NAALADL2: variants seen among roughly 807,000 people sequenced by gnomAD.
NAALADL2 encodes N-acetylated alpha-linked acidic dipeptidase like 2.
In NAALADL2, 76 loss-of-function variants were observed where a neutral mutation model predicts 87.2. That is an observed-to-expected ratio of 0.87 (90% CI 0.72 to 1.05). NAALADL2 has a LOEUF of 1.05. NAALADL2 is among the 50% of genes least tolerant of loss of function. The probability of loss-of-function intolerance (pLI) is 0.00; values close to 1 mark genes in which losing one functional copy is unlikely to be tolerated. For missense variants in NAALADL2, 1,089 were observed against 945.8 expected (o/e 1.15, Z -1.99); for synonymous variants, 354 against 331.0 (o/e 1.07, Z -0.75).
chr3:174,690,635 TTTTATGAAATGCGAGTGA>T (rs1728489523), intron 2 of NAALADL2, among the ~76,000 whole-genome samples: 1 of 152,158 alleles, frequency 6.6e-6, no homozygotes, highest in African/African-American at 2.4e-5. Context: ...GAAATGGCAT[TTTTATGAAATGCGAGTGA>T]CAAAGAATTG....
chr3:174,940,145 C>T (rs1459842823), intron 1 of NAALADL2, among the ~76,000 whole-genome samples: 1 of 152,036 alleles, frequency 6.6e-6, no homozygotes, highest in Admixed American at 6.6e-5. Context: ...ATTGGCTGTG[C>T]ATTTGTCATA....
At chr3:175,412,927 A>ATTATTATTT (rs1216480862) in intron 5 of NAALADL2, among the ~76,000 whole-genome samples, 5 of 145,632 alleles carry the variant, frequency 3.4e-5, no homozygotes, top group African/African-American at 1.2e-4. Flanking sequence ...TATTATTATT[A>ATTATTATTT]TTTTTGAGAC....
At chr3:174,442,526 C>T (rs1323506566) in intron 1 of NAALADL2, among the ~76,000 whole-genome samples, 3 of 152,010 alleles carry the variant, frequency 2.0e-5, no homozygotes, top group Non-Finnish European at 4.4e-5. Context: ...TAATGTAGGA[C>T]GACTAACAAG....
chr3:175,574,595 G>A (rs1160556118), intron 9 of NAALADL2, among the ~76,000 whole-genome samples: 1 of 152,072 alleles, frequency 6.6e-6, no homozygotes, highest in Non-Finnish European at 1.5e-5. Flanking sequence ...CTGGCTCAGG[G>A]TGTAAAGCAA....
chr3:174,966,954 G>C (rs548843228), intron 1 of NAALADL2, among the ~76,000 whole-genome samples: 5 of 152,088 alleles, frequency 3.3e-5, no homozygotes, highest in African/African-American at 4.8e-5. Flanking sequence ...AAAATAATAA[G>C]TGTTATCACA....
chr3:174,937,371 C>T (rs548669104), intron 1 of NAALADL2, among the ~76,000 whole-genome samples: 20 of 152,082 alleles, frequency 1.3e-4, no homozygotes, highest in African/African-American at 4.8e-4. Flanking sequence ...TGATTTAGGG[C>T]TTTTCAGTAG....
chr3:175,057,945 T>C (rs951314552), intron 1 of NAALADL2, among the ~76,000 whole-genome samples: 2 of 152,330 alleles, frequency 1.3e-5, no homozygotes, highest in East Asian at 3.9e-4. Context: ...ATAGAGTTTG[T>C]AGAGTTCATT....
At chr3:174,897,986 G>T (rs981761000) in intron 1 of NAALADL2, among the ~76,000 whole-genome samples, 3 of 141,290 alleles carry the variant, frequency 2.1e-5, no homozygotes, top group Non-Finnish European at 4.5e-5. Context: ...AGTGGCGGGC[G>T]CCTGTAGTCC....
chr3:174,610,172 A>G (rs1719662826), intron 2 of NAALADL2, among the ~76,000 whole-genome samples: 1 of 130,782 alleles, frequency 7.6e-6, no homozygotes, highest in Admixed American at 7.4e-5. Context: ...TTCAAGATGG[A>G]TTAAAGACTT....
At chr3:175,181,697 A>ATGTGTGTGTG (rs1227841338) in intron 2 of NAALADL2, among the ~76,000 whole-genome samples, 3 of 107,666 alleles carry the variant, frequency 2.8e-5, no homozygotes, top group Non-Finnish European at 3.7e-5. Flanking sequence ...ATATATATAT[A>ATGTGTGTGTG]TATATATGTG....
intron 2 of NAALADL2, among the ~76,000 whole-genome samples, chr3:174,643,947 T>A (rs1424225472): frequency 6.6e-6 from 1 of 152,182 alleles, no homozygotes; most frequent in East Asian, 1.9e-4. Context: ...TTACGGATAG[T>A]GGAGACTTCT....
intron 1 of NAALADL2, among the ~76,000 whole-genome samples, chr3:174,895,097 A>T (rs575221557): frequency 4.6e-5 from 7 of 152,262 alleles, no homozygotes; most frequent in Non-Finnish European, 8.8e-5. Flanking sequence ...TTAAATAAAC[A>T]ATGTATTGGT....
At position 174,979,304 on chromosome 3, in the gene NAALADL2, C is replaced by CTTTTT. The variant is rs5854604; in HGVS notation, c.44-117471_44-117467dup. ...TAGTATAATTTTCTTTCTTTCTTTTCTTTTTTTTTTTTTTTTTTTGAGACG... is the reference window on the plus strand; with the variant it reads ...TAGTATAATTTTCTTTCTTTCTTTTCTTTTTTTTTTTTTTTTTTTTTTTTGAGACG... On this transcript the variant is annotated intron_variant, in intron 1 of 13. Transcript: ENST00000454872. 6.0e-3 allele frequency among the ~76,000 whole-genome samples: 628 copies of CTTTTT among 105,084 alleles called. 9 individuals are homozygous for CTTTTT. The highest frequency in any genetic ancestry group is 7.8e-3 in the African/African-American group (196 of 25,116). 68.9% of individuals were successfully genotyped at this position (105,084 alleles called of 152,430 possible). A position where few individuals can be genotyped will look rare whatever the true frequency, so the allele number is the denominator to read the frequency against.
intron 1 of NAALADL2, among the ~76,000 whole-genome samples, chr3:175,012,621 T>C (rs1252980789): frequency 1.3e-5 from 2 of 152,130 alleles, no homozygotes; most frequent in East Asian, 3.9e-4. Flanking sequence ...ATTACAGCCC[T>C]CAGGCCAAAT....
At chr3:175,154,844 C>T (rs1732063083) in intron 2 of NAALADL2, among the ~76,000 whole-genome samples, 1 of 152,158 alleles carries the variant, frequency 6.6e-6, no homozygotes, top group African/African-American at 2.4e-5. Context: ...ATGAAAGCCA[C>T]TGTTTGAAAG....
intron 3 of NAALADL2, among the ~76,000 whole-genome samples, chr3:174,780,768 G>A (rs1578898812): frequency 6.6e-6 from 1 of 151,948 alleles, no homozygotes; most frequent in African/African-American, 2.4e-5. Context: ...GGGGCATTTA[G>A]CCAATTTACA....
intron 4 of NAALADL2, among the ~76,000 whole-genome samples, chr3:175,299,289 TTTTTTGTTTTTG>T (rs973870510): frequency 6.6e-6 from 1 of 152,110 alleles, no homozygotes; most frequent in Non-Finnish European, 1.5e-5. Context: ...TAAAGTAGTT[TTTTTTGTTTTTG>T]TTTTTGTTTT....
At chr3:174,991,169 T>G (rs1189168006) in intron 1 of NAALADL2, among the ~76,000 whole-genome samples, 1 of 152,152 alleles carries the variant, frequency 6.6e-6, no homozygotes, top group Non-Finnish European at 1.5e-5. Context: ...TCCTGTATAT[T>G]TAGTCTTCAT....
intron 2 of NAALADL2, among the ~76,000 whole-genome samples, chr3:175,216,679 T>TTTC (rs1560178032): frequency 7.0e-6 from 1 of 143,668 alleles, no homozygotes; most frequent in African/African-American, 2.6e-5. Context: ...TTTTTTTTTT[T>TTTC]TTTTTTTGAG....
Sources: allele counts gnomAD v4.1 joint callset (sites outside exome capture counted in the v4.1 genomes callset), GRCh38; gene constraint gnomAD v4.1.1; transcripts MANE v1.5; gene names NCBI Gene and HGNC (gene_info 2026-07-23, HGNC 2026-07-21).